The following RIOK2 variants were observed in gnomAD, a reference collection of about 807,000 sequenced individuals.
RIOK2 encodes serine/threonine-protein kinase RIO2.
A neutral mutation model predicts 62.4 loss-of-function variants in RIOK2; 46 were observed. That is an observed-to-expected ratio of 0.74 (90% CI 0.58 to 0.94). RIOK2 has a LOEUF of 0.94. Among genes scored for constraint, RIOK2 ranks in the 40% least tolerant of loss-of-function variants. The pLI is 0.00. For missense variants in RIOK2, 574 were observed against 658.0 expected (o/e 0.87, Z 1.40); for synonymous variants, 197 against 216.0 (o/e 0.91, Z 0.77).
chr5:97,182,697 C>A (rs890130437), intron 1 of RIOK2: 1 of 203,010 alleles, frequency 4.9e-6, no homozygotes, highest in Non-Finnish European at 9.9e-6. Context: ...AAAAAACCGA[C>A]AAATATGTGT....
At chr5:97,172,452 C>A (rs890664167) in intron 5 of RIOK2, among the ~76,000 whole-genome samples, 1 of 152,220 alleles carries the variant, frequency 6.6e-6, no homozygotes, top group Non-Finnish European at 1.5e-5. Context: ...GTTGGTTCAA[C>A]CTGCAGAACA....
intron 1 of RIOK2, chr5:97,182,897 G>T: frequency 1.9e-6 from 1 of 531,866 alleles, no homozygotes; most frequent in Non-Finnish European, 3.4e-6. Flanking sequence ...CAGCAGAAAA[G>T]AAAACAATTA....
At chr5:97,174,148 G>A (rs1049013431) in intron 4 of RIOK2, among the ~76,000 whole-genome samples, 8 of 152,178 alleles carry the variant, frequency 5.3e-5, no homozygotes, top group Non-Finnish European at 1.2e-4. Flanking sequence ...GATGGGCATG[G>A]AGTCTCACGT....
At chr5:97,173,345 C>G in intron 4 of RIOK2, 82 bp from the exon 5 acceptor site, 1 of 842,988 alleles carries the variant, frequency 1.2e-6, no homozygotes, top group Admixed American at 2.7e-5. Context: ...TACCTTTCTA[C>G]AACCAGAAAA....
chr5:97,182,756 G>A (rs1208994158), intron 1 of RIOK2: 3 of 251,344 alleles, frequency 1.2e-5, no homozygotes, highest in African/African-American at 8.3e-5. Flanking sequence ...CTGTTAGTAG[G>A]GAAGTCAATA....
chr5:97,170,110 T>A (rs1340912343), intron 6 of RIOK2, among the ~76,000 whole-genome samples: 1 of 152,108 alleles, frequency 6.6e-6, no homozygotes. Flanking sequence ...TCAAGCTCAA[T>A]CTCTGGAAGA....
rs369977486 is a variant in RIOK2 at position 97,178,070 on chromosome 5, C to T, written c.206-222G>A. 2.8e-4 allele frequency among the ~76,000 whole-genome samples: 43 copies of T among 152,232 alleles called. No individual in the cohort carries two copies. The East Asian group carries it at 7.7e-3, about 27-fold the overall frequency. ...CAGACAGGTCTGTAAGTGTTTGTGACAAGATAAAAGGAGGAATTTAAGTTC... is the reference window on the plus strand; with the variant it reads ...CAGACAGGTCTGTAAGTGTTTGTGATAAGATAAAAGGAGGAATTTAAGTTC... On this transcript the variant is annotated intron_variant, in intron 2 of 9. Transcript: ENST00000283109.
Position 97,163,181 on chromosome 5 carries a change from T to G in RIOK2, c.1539A>C (p.Gln513His). 6.2e-7 allele frequency: 1 copy of G among 1,613,742 alleles called. No homozygotes were observed. Residue 513 changes from glutamine to histidine, a missense_variant, in exon 10 of 10, where the codon CAA (glutamine) becomes CAC (histidine). Coordinates refer to ENST00000283109, the MANE Select transcript of RIOK2 (RefSeq NM_018343.3). The part of the protein sequence containing the change: ...QKVKRQLTKQ[Q>H]KSAVRRRLQK... The stretch of plus-strand genomic sequence containing the variant: ...GCAATCGACGTCTGACAGCTGATTT[T>G]TGCTGTTTTGTCAACTGACGTTTCA...
At chr5:97,180,126 G>GTGTGTATATATATATGTATGTATATATA (rs1554083581) in intron 1 of RIOK2, among the ~76,000 whole-genome samples, 2 of 30,782 alleles carry the variant, frequency 6.5e-5, no homozygotes, top group Non-Finnish European at 1.5e-4. Context: ...ATGTGTATAT[G>GTGTGTATATATATATGTATGTATATATA]TATATATATA....
Position 97,168,877 on chromosome 5 carries a change from A to G in RIOK2, c.780-25T>C, listed in dbSNP as rs527333046. 4.9e-5 allele frequency: 70 copies of G among 1,416,908 alleles called. No homozygotes were observed. In the South Asian group the frequency reaches 8.0e-4, roughly 16 times the overall value. 87.8% of individuals were successfully genotyped at this position (1,416,908 alleles called of 1,614,324 possible). A position where few individuals can be genotyped will look rare whatever the true frequency, so the allele number is the denominator to read the frequency against. ...CCTGCAAAAGCAAGAATCATTTATGATATAGTCTTTATTGCTCCTCTTTTT... is the reference window on the plus strand; with the variant it reads ...CCTGCAAAAGCAAGAATCATTTATGGTATAGTCTTTATTGCTCCTCTTTTT... On this transcript the variant is annotated intron_variant, in intron 6 of 9. Coordinates refer to ENST00000283109, the MANE Select transcript of RIOK2 (RefSeq NM_018343.3).
At chr5:97,166,607 T>C (rs879641843) in intron 8 of RIOK2, 32 of 306,568 alleles carry the variant, frequency 1.0e-4, no homozygotes, top group Middle Eastern at 1.6e-3. Context: ...TTTTAGAACT[T>C]TTCCTAATCT....
chr5:97,180,032 A>AC (rs1749328945), intron 1 of RIOK2, among the ~76,000 whole-genome samples: 2 of 73,924 alleles, frequency 2.7e-5, no homozygotes, highest in African/African-American at 5.2e-5. Context: ...TATATAATAT[A>AC]TATATTATAT....
At chr5:97,166,898 T>A (rs1242471215) in intron 8 of RIOK2, 2 of 977,654 alleles carry the variant, frequency 2.0e-6, no homozygotes, top group Non-Finnish European at 2.4e-6. Flanking sequence ...GCAATAATTT[T>A]AAAATCATCA....
In RIOK2 at chr5:97,177,199, G is replaced by A. The variant is rs1749192153; in HGVS notation, c.415C>T (p.Arg139Cys). ...RTSFRNLKNKRDYHKHRHNVS... is the reference protein window; with the variant it reads ...RTSFRNLKNKCDYHKHRHNVS... Reference sequence around the variant, plus strand: ...TTGTGCCTATGTTTATGATAATCGCGTTTGTTTTTCAAATTTCGAAACGAG... The same window carrying A: ...TTGTGCCTATGTTTATGATAATCGCATTTGTTTTTCAAATTTCGAAACGAG... Residue 139 changes from arginine to cysteine, a missense_variant, in exon 4 of 10, where the codon CGC (arginine) becomes TGC (cysteine). Physicochemically the swap from Arg to Cys is radical, Grantham distance 180 (BLOSUM62 -3). Coordinates refer to ENST00000283109, the MANE Select transcript of RIOK2 (RefSeq NM_018343.3). The A allele has an allele frequency of 5.6e-6, 9 of 1,613,134 alleles. No individual in the cohort carries two copies. Among genetic ancestry groups the A allele is most frequent in the Non-Finnish European group, 6.8e-6 (8 of 1,179,478 alleles).
intron 6 of RIOK2, among the ~76,000 whole-genome samples, chr5:97,170,511 T>C (rs573722285): frequency 6.6e-6 from 1 of 152,302 alleles, no homozygotes; most frequent in East Asian, 1.9e-4. Context: ...GAGGCAATCA[T>C]GGAACAGCAA....
Position 97,171,222 on chromosome 5 carries a change from GAGA to G in RIOK2, c.760_762del (p.Ser254del). ...AGTACGTACCACTCAGCATTGGGATGAGAAGTTGAAACCATCTGTGGAAAATCA... is the reference window on the plus strand; with the variant it reads ...AGTACGTACCACTCAGCATTGGGATGAGTTGAAACCATCTGTGGAAAATCA... On this transcript the variant is annotated inframe_deletion, in exon 6 of 10. Transcript: ENST00000283109. 1 of 1,569,080 alleles carries G rather than the reference GAGA, an allele frequency of 6.4e-7. No individual in the cohort carries two copies. Among genetic ancestry groups the G allele is most frequent in the Non-Finnish European group, 8.6e-7 (1 of 1,157,322 alleles).
chr5:97,170,362 T>C (rs112169577), intron 6 of RIOK2, among the ~76,000 whole-genome samples: 84 of 152,352 alleles, frequency 5.5e-4, no homozygotes, highest in African/African-American at 1.7e-3. Flanking sequence ...TAAAGTTTTA[T>C]GTGATTTTTT....
At chr5:97,171,181 A>AAT in intron 6 of RIOK2, 25 bp downstream of exon 6, 1 of 1,349,094 alleles carries the variant, frequency 7.4e-7, no homozygotes, top group Non-Finnish European at 9.6e-7. Context: ...AATAAAATAA[A>AAT]AATAAAAAAA....
chr5:97,166,894 A>G (rs1748854962), intron 8 of RIOK2: 2 of 979,796 alleles, frequency 2.0e-6, no homozygotes, highest in East Asian at 1.1e-4. Flanking sequence ...ACCTGCAATA[A>G]TTTTAAAATC....
Sources: gnomAD v4.1 joint callset for allele counts (sites outside exome capture counted in the v4.1 genomes callset) on GRCh38, gnomAD v4.1.1 for gene constraint, MANE v1.5 for transcripts, NCBI Gene and HGNC (gene_info 2026-07-23, HGNC 2026-07-21) for gene names.